Variants in ARPP21 observed in about 807,000 individuals in gnomAD.
ARPP21 encodes cAMP-regulated phosphoprotein 21.
Under a neutral mutation model 113.2 loss-of-function variants are expected in ARPP21, and 69 were observed. The observed-to-expected ratio is 0.61, with a 90% CI of 0.50 to 0.74. The LOEUF (loss-of-function observed/expected upper bound fraction) is 0.74. Among genes scored for constraint, ARPP21 ranks in the 30% least tolerant of loss-of-function variants. The pLI, the probability that ARPP21 is intolerant of heterozygous loss-of-function variation, is 0.00. For synonymous variants in ARPP21, 368 were observed against 375.5 expected (o/e 0.98, Z 0.23); for missense variants, 1,070 against 1,037.4 (o/e 1.03, Z -0.43).
chr3:35,683,091 G>A (rs2149489182), intron 4 of ARPP21, among the ~76,000 whole-genome samples: 1 of 151,780 alleles, frequency 6.6e-6, no homozygotes, highest in Non-Finnish European at 1.5e-5. Context: ...TTTTTAGTTA[G>A]AGGATTTAGT....
At chr3:35,775,883 A>T (rs1037102539) in intron 19 of ARPP21, among the ~76,000 whole-genome samples, 1 of 152,146 alleles carries the variant, frequency 6.6e-6, no homozygotes, top group Non-Finnish European at 1.5e-5. Flanking sequence ...TGTCTTATTG[A>T]TCAATTAGAA....
intron 11 of ARPP21, among the ~76,000 whole-genome samples, chr3:35,714,508 A>G (rs1294487122): frequency 6.6e-6 from 1 of 152,194 alleles, no homozygotes; most frequent in African/African-American, 2.4e-5. Context: ...TTTATTCATC[A>G]TTTGGAAAAT....
intron 20 of ARPP21, among the ~76,000 whole-genome samples, 187 bp downstream of exon 20, chr3:35,792,717 C>T (rs1294086830): frequency 1.3e-5 from 2 of 152,208 alleles, no homozygotes; most frequent in Non-Finnish European, 2.9e-5. Flanking sequence ...GCTTCTGTCA[C>T]TACTGTGGCT....
In ARPP21 at chr3:35,689,340, T is replaced by C; in HGVS notation, c.440T>C (p.Ile147Thr). 6.3e-7 allele frequency: 1 copy of C among 1,586,988 alleles called. No individual in the cohort carries two copies. The highest frequency in any genetic ancestry group is 8.6e-7 in the Non-Finnish European group (1 of 1,156,260). ...CSQEYTDSTGIDLHEFLINTL... is the reference protein window; with the variant it reads ...CSQEYTDSTGTDLHEFLINTL... ...CAAGAATACACGGATTCTACAGGCA[T>C]AGACTTACACGAGTTTCTGATTAAC... Residue 147 changes from isoleucine (I) to threonine (T), a missense_variant, in exon 7 of 21, where the codon ATA (isoleucine) becomes ACA (threonine). Coordinates refer to ENST00000684406, the MANE Select transcript of ARPP21 (RefSeq NM_001385562.1).
intron 19 of ARPP21, among the ~76,000 whole-genome samples, chr3:35,754,686 G>A (rs943796263): frequency 4.0e-5 from 6 of 151,882 alleles, no homozygotes; most frequent in African/African-American, 1.4e-4. Flanking sequence ...CCCAAAAACG[G>A]TATAGATGGC....
chr3:35,768,127 TG>T (rs1483523828), intron 19 of ARPP21, among the ~76,000 whole-genome samples: 4 of 134,830 alleles, frequency 3.0e-5, no homozygotes, highest in Non-Finnish European at 6.3e-5. Context: ...TGTGTGTGTG[TG>T]TGTGTGTGTG....
At chr3:35,652,342 C>G (rs1702741355) in intron 1 of ARPP21, among the ~76,000 whole-genome samples, 1 of 151,904 alleles carries the variant, frequency 6.6e-6, no homozygotes, top group Middle Eastern at 3.2e-3. Context: ...CAGATAAAAC[C>G]AATGGTTATA....
chr3:35,662,183 A>G (rs1008909252), intron 1 of ARPP21, among the ~76,000 whole-genome samples: 5 of 152,230 alleles, frequency 3.3e-5, no homozygotes, highest in Non-Finnish European at 4.4e-5. Flanking sequence ...ATGTGGTCCC[A>G]TATAAACCAA....
In ARPP21 at chr3:35,681,783, T is replaced by C. The variant is rs2078999640; in HGVS notation, c.32T>C (p.Ile11Thr). The change falls in exon 3 of 21, where the codon ATA (isoleucine) becomes ACA (threonine). Residue 11 changes from isoleucine (I) to threonine (T), a missense_variant. Physicochemically the swap from Ile to Thr is moderately conservative, Grantham distance 89. Transcript: ENST00000684406. The stretch of plus-strand genomic sequence containing the variant: ...GAGCAAGGAGACCTGAATCAGGCAA[T>C]AGCAGAGGAAGGAGGGACTGAGCAG... MSEQGDLNQA[I>T]AEEGGTEQET... The C allele has an allele frequency of 1.2e-6, 2 of 1,611,538 alleles. No homozygotes were observed. Among genetic ancestry groups the C allele is most frequent in the African/African-American group, 1.3e-5 (1 of 74,858 alleles).
At chr3:35,674,455 T>G (rs2077019380) in intron 1 of ARPP21, among the ~76,000 whole-genome samples, 1 of 151,768 alleles carries the variant, frequency 6.6e-6, no homozygotes, top group African/African-American at 2.4e-5. Context: ...AAGGAGATGT[T>G]TTTTTTTGAA....
intron 1 of ARPP21, among the ~76,000 whole-genome samples, chr3:35,664,326 T>C (rs1312552415): frequency 1.3e-5 from 2 of 152,206 alleles, no homozygotes; most frequent in Non-Finnish European, 2.9e-5. Context: ...CTCTTCTCGC[T>C]ATTTGGAAAT....
chr3:35,644,941 T>C (rs1434258824), intron 1 of ARPP21, among the ~76,000 whole-genome samples: 1 of 151,934 alleles, frequency 6.6e-6, no homozygotes, highest in East Asian at 1.9e-4. Flanking sequence ...TAGAAGATTT[T>C]TGTATACGTT....
chr3:35,754,065 G>T (rs1017207642), intron 19 of ARPP21, among the ~76,000 whole-genome samples: 1 of 151,450 alleles, frequency 6.6e-6, no homozygotes, highest in Non-Finnish European at 1.5e-5. Context: ...TGGAGATGGG[G>T]AGAAGGAGCA....
intron 19 of ARPP21, among the ~76,000 whole-genome samples, chr3:35,760,342 C>A (rs1339514283): frequency 6.6e-6 from 1 of 152,230 alleles, no homozygotes; most frequent in Non-Finnish European, 1.5e-5. Flanking sequence ...TACTTGAATT[C>A]TGTCCATTTG....
intron 1 of ARPP21, 113 bp from the exon 2 acceptor site, chr3:35,679,673 AC>A (rs886642423): frequency 1.3e-5 from 2 of 151,886 alleles, no homozygotes; most frequent in African/African-American, 4.8e-5. Context: ...CAAGCTGTGA[AC>A]GTGATTTGCT....
intron 9 of ARPP21, 42 bp from the exon 10 acceptor site, chr3:35,706,932 G>T: frequency 6.8e-6 from 10 of 1,470,682 alleles, no homozygotes; most frequent in Non-Finnish European, 9.4e-6. Context: ...TTTAAACAAG[G>T]GGGAAAAACT....
At chr3:35,667,832 T>C (rs1405634995) in intron 1 of ARPP21, among the ~76,000 whole-genome samples, 1 of 80,996 alleles carries the variant, frequency 1.2e-5, no homozygotes, top group Non-Finnish European at 2.5e-5. Context: ...CTGCAGTACT[T>C]TTATTCTCAA....
chr3:35,645,664 T>G (rs564403474), intron 1 of ARPP21, among the ~76,000 whole-genome samples: 3 of 151,994 alleles, frequency 2.0e-5, no homozygotes, highest in East Asian at 3.9e-4. Context: ...CTGGAACTCT[T>G]AATAATGGAT....
chr3:35,662,971 A>G (rs932301420), intron 1 of ARPP21, among the ~76,000 whole-genome samples: 9 of 152,164 alleles, frequency 5.9e-5, no homozygotes, highest in African/African-American at 2.2e-4. Context: ...GGGTACAAAC[A>G]TACAGCAAGA....
Sources: allele counts gnomAD v4.1 joint callset (sites outside exome capture counted in the v4.1 genomes callset), GRCh38; gene constraint gnomAD v4.1.1; transcripts MANE v1.5; gene names NCBI Gene and HGNC (gene_info 2026-07-23, HGNC 2026-07-21).